DOCK5: variants seen among roughly 807,000 people sequenced by gnomAD.
The protein encoded by DOCK5 is dedicator of cytokinesis 5.
In DOCK5, 142 loss-of-function variants were observed where a neutral mutation model predicts 251.8. The ratio of observed to expected loss-of-function variants is 0.56; its 90% CI spans 0.49 to 0.65. The LOEUF is 0.65. DOCK5 is among the 30% of genes least tolerant of loss of function. DOCK5 has a pLI of 0.00. For missense variants in DOCK5, 2,111 were observed against 2,312.3 expected (o/e 0.91, Z 1.79); for synonymous variants, 842 against 835.5 (o/e 1.01, Z -0.13).
intron 16 of DOCK5, among the ~76,000 whole-genome samples, chr8:25,323,118 C>G (rs545902704): frequency 2.0e-5 from 3 of 152,120 alleles, no homozygotes; most frequent in Non-Finnish European, 4.4e-5. Flanking sequence ...GCAGGGGACC[C>G]GGTGAGTTCA....
At chr8:25,258,174 A>G (rs1473970143) in intron 2 of DOCK5, among the ~76,000 whole-genome samples, 1 of 151,724 alleles carries the variant, frequency 6.6e-6, no homozygotes, top group African/African-American at 2.4e-5. Flanking sequence ...TGGATATATC[A>G]TCTCTCTATT....
intron 36 of DOCK5, among the ~76,000 whole-genome samples, chr8:25,374,012 G>A (rs771183607): frequency 6.6e-5 from 10 of 152,130 alleles, no homozygotes; most frequent in Non-Finnish European, 1.0e-4. Context: ...CGTAACCAAC[G>A]TGCATGTTGT....
intron 34 of DOCK5, 94 bp from the exon 35 acceptor site, chr8:25,372,465 C>G: frequency 7.5e-7 from 1 of 1,327,256 alleles, no homozygotes; most frequent in Non-Finnish European, 1.0e-6. Flanking sequence ...CAAATCCTGC[C>G]CCAGCCACTG....
chr8:25,296,807 T>C (rs1280530870), intron 7 of DOCK5, among the ~76,000 whole-genome samples, 159 bp downstream of exon 7: 1 of 152,130 alleles, frequency 6.6e-6, no homozygotes, highest in Non-Finnish European at 1.5e-5. Flanking sequence ...CAGGTATATA[T>C]ATATATATGT....
At position 25,184,742 on chromosome 8, in the gene DOCK5, G is replaced by C; in HGVS notation, c.-167G>C. Reference sequence around the variant, plus strand: ...GTGACCGCGGGCGGCGCGGGCACGGGCACGGGCGCGGGCGGCGCGGCGAGG... The same window carrying C: ...GTGACCGCGGGCGGCGCGGGCACGGCCACGGGCGCGGGCGGCGCGGCGAGG... On this transcript the variant is annotated 5_prime_UTR_variant, in exon 1 of 52. Transcript: ENST00000276440. 2.2e-6 allele frequency: 1 copy of C among 451,594 alleles called. No homozygotes were observed. 28.0% of individuals were successfully genotyped at this position (451,594 alleles called of 1,614,324 possible).
In DOCK5 at chr8:25,292,148, C is replaced by A; in HGVS notation, c.446C>A (p.Thr149Lys). The part of the protein sequence containing the change: ...DELAELKKKV[T>K]AKIDHGNRML... ...CTGGCAGAGCTCAAGAAGAAAGTCA[C>A]AGCCAAAATTGATCATGGGAACAGG... The change falls in exon 6 of 52, where the codon ACA (threonine) becomes AAA (lysine). Residue 149 changes from threonine (T) to lysine (K), a missense_variant. Around this residue, in one of 3 missense-constraint regions of DOCK5, gnomAD observed 335 missense variants for 324.9 expected, o/e 1.03. Transcript: ENST00000276440. 6.3e-7 allele frequency: 1 copy of A among 1,581,086 alleles called. No individual in the cohort carries two copies. Among genetic ancestry groups the A allele is most frequent in the Non-Finnish European group, 8.6e-7 (1 of 1,165,212 alleles).
Position 25,391,016 on chromosome 8 carries a change from C to A in DOCK5, c.4355+729C>A, listed in dbSNP as rs552712936. Among the ~76,000 whole-genome samples the A allele has an allele frequency of 2.0e-5, 3 of 151,862 alleles. No homozygotes were observed. The South Asian group carries it at 6.2e-4, about 32-fold the overall frequency. On this transcript the variant is annotated intron_variant, in intron 42 of 51. Coordinates refer to ENST00000276440, the MANE Select transcript of DOCK5 (RefSeq NM_024940.8). Reference sequence around the variant, plus strand: ...TAGAGACGGGGTTTCACCGTGTTGCCCAGGCTGGTCTCAAACTCCTGAGCT... The same window carrying A: ...TAGAGACGGGGTTTCACCGTGTTGCACAGGCTGGTCTCAAACTCCTGAGCT...
rs971624510 is a variant in DOCK5 at position 25,379,543 on chromosome 8, C to A, written c.3937-762C>A. ...GTTCTTTTTCAAGGTGCACTGATTT[C>A]ATATTGTTCAAACGCACATGTTTTA... On this transcript the variant is annotated intron_variant, in intron 38 of 51. Coordinates refer to ENST00000276440, the MANE Select transcript of DOCK5 (RefSeq NM_024940.8). Among the ~76,000 whole-genome samples the A allele has an allele frequency of 6.6e-5, 10 of 152,108 alleles. No individual in the cohort carries two copies. The East Asian group carries it at 1.9e-3, about 29-fold the overall frequency.
Position 25,244,980 on chromosome 8 carries a change from C to T in DOCK5, c.127+1223C>T, listed in dbSNP as rs116579610. On this transcript the variant is annotated intron_variant, in intron 2 of 51. Coordinates refer to ENST00000276440, the MANE Select transcript of DOCK5 (RefSeq NM_024940.8). ...CAGCCAAAGCATCAATTCAAAGTCT[C>T]CAAGACACTAGGGCAGTCGCCTTAT... Among the ~76,000 whole-genome samples, 908 of 152,306 alleles carry T rather than the reference C, an allele frequency of 6.0e-3. 7 individuals are homozygous for T. The highest frequency in any genetic ancestry group is 0.02 in the African/African-American group (846 of 41,566).
Position 25,185,151 on chromosome 8 carries a change from G to A in DOCK5, c.43+200G>A, listed in dbSNP as rs535292982. 1.2e-4 allele frequency among the ~76,000 whole-genome samples: 18 copies of A among 152,254 alleles called. No individual in the cohort carries two copies. In the South Asian group the frequency reaches 1.5e-3, roughly 12 times the overall value. Reference sequence around the variant, plus strand: ...AAGTCGCCCAGGGTTTGGGGACTCCGAGTGCTTCCAAGTGCAGCTGAGCTT... The same window carrying A: ...AAGTCGCCCAGGGTTTGGGGACTCCAAGTGCTTCCAAGTGCAGCTGAGCTT... On this transcript the variant is annotated intron_variant, in intron 1 of 51. Transcript: ENST00000276440.
chr8:25,279,016 A>G (rs1804117322), intron 5 of DOCK5, among the ~76,000 whole-genome samples: 1 of 152,232 alleles, frequency 6.6e-6, no homozygotes, highest in Non-Finnish European at 1.5e-5. Flanking sequence ...TGCAATTATT[A>G]TTAATTTGTT....
intron 1 of DOCK5, among the ~76,000 whole-genome samples, chr8:25,193,461 CA>C (rs1459186969): frequency 1.3e-5 from 2 of 151,022 alleles, no homozygotes; most frequent in African/African-American, 4.9e-5. Context: ...AAATCACCAG[CA>C]AAAAGCACAA....
At chr8:25,364,527 C>A in intron 29 of DOCK5, 99 bp from the exon 30 acceptor site, 3 of 817,158 alleles carry the variant, frequency 3.7e-6, no homozygotes, top group Admixed American at 2.2e-5. Context: ...TCTTATGATG[C>A]CAAGTTCAGG....
chr8:25,269,633 C>T (rs2117116533), intron 3 of DOCK5, among the ~76,000 whole-genome samples: 1 of 152,304 alleles, frequency 6.6e-6, no homozygotes, highest in Non-Finnish European at 1.5e-5. Context: ...TAAAGAAAAT[C>T]TATTAATTAT....
At chr8:25,250,162 T>C (rs1268762376) in intron 2 of DOCK5, among the ~76,000 whole-genome samples, 1 of 152,204 alleles carries the variant, frequency 6.6e-6, no homozygotes, top group African/African-American at 2.4e-5. Context: ...GAGCTTTGGC[T>C]CCAAAACAGG....
chr8:25,336,621 G>T (rs1256235570), intron 22 of DOCK5, among the ~76,000 whole-genome samples: 1 of 152,188 alleles, frequency 6.6e-6, no homozygotes, highest in African/African-American at 2.4e-5. Context: ...AGATTCCTGT[G>T]GAAAGATTGT....
chr8:25,270,990 G>C (rs1359519887), intron 3 of DOCK5: 2 of 447,282 alleles, frequency 4.5e-6, no homozygotes, highest in Non-Finnish European at 8.0e-6. Context: ...ATAATGACAA[G>C]GAAATAAACC....
intron 29 of DOCK5, among the ~76,000 whole-genome samples, chr8:25,363,567 T>C (rs1800726270): frequency 6.6e-6 from 1 of 152,264 alleles, no homozygotes; most frequent in Admixed American, 6.5e-5. Context: ...AGCACTGTCA[T>C]GGCCTTCCTT....
chr8:25,278,593 C>A lies in DOCK5; in HGVS notation c.249C>A (p.Gly83=), dbSNP rs1375965504. The A allele has an allele frequency of 5.0e-6, 8 of 1,613,830 alleles. No homozygotes were observed. The highest frequency in any genetic ancestry group is 1.7e-5 in the Admixed American group (1 of 60,004). ...GGCAGCATGAAACCGTGATTCCTGG[C>A]GAGCTCCCCCTGGTGCAGGAGCTCA... ...DLGQHETVIP[G]ELPLVQELTS... Residue 83 remains glycine, a synonymous_variant, in exon 5 of 52, where the codon GGC becomes GGA. Transcript: ENST00000276440.
Sources: allele counts gnomAD v4.1 joint callset (sites outside exome capture counted in the v4.1 genomes callset), GRCh38; gene constraint gnomAD v4.1.1; regional missense constraint gnomAD v4.1.1; transcripts MANE v1.5; gene names NCBI Gene and HGNC (gene_info 2026-07-23, HGNC 2026-07-21).